Variants in PXYLP1 observed in about 807,000 individuals in gnomAD.
The protein encoded by PXYLP1 is acid phosphatase-like 2.
In PXYLP1, 17 loss-of-function variants were observed where a neutral mutation model predicts 37.9. The ratio of observed to expected loss-of-function variants is 0.45; its 90% confidence interval spans 0.31 to 0.67. The LOEUF is 0.67. PXYLP1 is among the 30% of genes least tolerant of loss of function. PXYLP1 has a pLI of 0.07. For missense variants in PXYLP1, 511 were observed against 612.0 expected, an observed-to-expected ratio of 0.84 and a Z score of 1.74; for synonymous variants, 221 against 232.2, an observed-to-expected ratio of 0.95 and a Z score of 0.44.
At chr3:141,234,397 G>C (rs2292401) in intron 1 of PXYLP1, 34,125 of 151,966 alleles carry the variant, frequency 0.22, 4,955 homozygotes, top group African/African-American at 0.41. Flanking sequence ...AACCTATAGT[G>C]CCCAGAGCTG....
intron 1 of PXYLP1, among the ~76,000 whole-genome samples, chr3:141,256,745 A>G (rs1258808806): frequency 2.6e-5 from 4 of 152,206 alleles, no homozygotes; most frequent in Admixed American, 6.5e-5. Flanking sequence ...TCCTCTGGCC[A>G]GGCTGTGTAC....
At chr3:141,273,166 G>A (rs887010287) in intron 2 of PXYLP1, 64 of 985,222 alleles carry the variant, frequency 6.5e-5, no homozygotes, top group Non-Finnish European at 7.5e-5. Flanking sequence ...CCCGCAACTG[G>A]ATTGTAAACC....
rs540517144 is a variant in PXYLP1 at position 141,249,314 on chromosome 3, A to G, written c.-53-10809A>G. Among the ~76,000 whole-genome samples, 72 of 152,328 alleles carry G rather than the reference A, an allele frequency of 4.7e-4. 2 individuals carry two copies. In the South Asian group the frequency reaches 0.015, roughly 32 times the overall value. On this transcript the variant is annotated intron_variant, in intron 1 of 5. Coordinates refer to ENST00000286353, the MANE Select transcript of PXYLP1 (RefSeq NM_001037172.3). ...GGCCTCATTGGGCAAAACGCCTCTCAGTGGCATGCGTGAGTGCTCCTGTCC... is the reference window on the plus strand; with the variant it reads ...GGCCTCATTGGGCAAAACGCCTCTCGGTGGCATGCGTGAGTGCTCCTGTCC...
At position 141,292,479 on chromosome 3, in the gene PXYLP1, G is replaced by A; in HGVS notation, c.717G>A (p.Leu239=). 2 of 1,614,222 alleles carry A rather than the reference G, an allele frequency of 1.2e-6. No individual in the cohort carries two copies. The highest frequency in any genetic ancestry group is 1.7e-6 in the Non-Finnish European group (2 of 1,180,048). The change falls in exon 6 of 6, where the codon CTG becomes CTA. Residue 239 remains leucine, a synonymous_variant. Coordinates refer to ENST00000286353, the MANE Select transcript of PXYLP1 (RefSeq NM_001037172.3). This position sits in a 1 kb window ranked among gnomAD's most constrained non-coding sequence, Gnocchi z 4.3. ...ATTTCAGGCACCAGCCAAGTGCGCT[G>A]TTCTGCTCTGGAAGCTGCTATTGCC... ...KIYFRHQPSA[L]FCSGSCYCPV... is the part of the protein sequence containing the mutation.
At chr3:141,259,469 A>T (rs527639280) in intron 1 of PXYLP1, among the ~76,000 whole-genome samples, 29 of 151,852 alleles carry the variant, frequency 1.9e-4, no homozygotes, top group African/African-American at 6.8e-4. Flanking sequence ...CACACTTCCA[A>T]TGTGGTTAGG....
At chr3:141,290,882 C>A (rs1239022159) in intron 5 of PXYLP1, among the ~76,000 whole-genome samples, 6 of 152,184 alleles carry the variant, frequency 3.9e-5, no homozygotes, top group Non-Finnish European at 8.8e-5. Context: ...AGTAAGCACT[C>A]TAACTTTATG....
In PXYLP1 at chr3:141,242,972, A is replaced by C. The variant is rs144653910; in HGVS notation, c.-54+11061A>C. Among the ~76,000 whole-genome samples, 593 of 152,336 alleles carry C rather than the reference A, an allele frequency of 3.9e-3. 3 individuals are homozygous for C. Among genetic ancestry groups the C allele is most frequent in the Middle Eastern group, 6.8e-3 (2 of 294 alleles). On this transcript the variant is annotated intron_variant, in intron 1 of 5. Transcript: ENST00000286353. ...AAATATCTGAATGAATGAATGAATG[A>C]ATTACTACTTGCAGGTGAGGACACT... is the stretch of plus-strand genomic sequence containing the variant.
Position 141,293,410 on chromosome 3 carries a change from G to A in PXYLP1, c.*205G>A, listed in dbSNP as rs1452947383. 2 of 587,602 alleles carry A rather than the reference G, an allele frequency of 3.4e-6. No individual in the cohort carries two copies. Among genetic ancestry groups the A allele is most frequent in the Admixed American group, 6.6e-5 (2 of 30,444 alleles). The allele number at this position is 587,602 out of a possible 1,614,324, so 36.4% of individuals were successfully genotyped here. A position where few individuals can be genotyped will look rare whatever the true frequency, so the allele number is the denominator to read the frequency against. ...TGAATTGCTTGGTACAAAATGGCCA[G>A]TTCACAGAGGAATAGAAGGTACTTT... is the stretch of plus-strand genomic sequence containing the variant. On this transcript the variant is annotated 3_prime_UTR_variant, in exon 6 of 6. Transcript: ENST00000286353.
At chr3:141,248,561 G>A (rs1326051989) in intron 1 of PXYLP1, among the ~76,000 whole-genome samples, 1 of 134,056 alleles carries the variant, frequency 7.5e-6, no homozygotes, top group Non-Finnish European at 1.6e-5. Context: ...ATACACACGT[G>A]TATATATATA....
At chr3:141,291,427 C>A (rs1413054297) in intron 5 of PXYLP1, among the ~76,000 whole-genome samples, 1 of 152,166 alleles carries the variant, frequency 6.6e-6, no homozygotes, top group Non-Finnish European at 1.5e-5. Flanking sequence ...ACTTTAAATT[C>A]TTGCTTCTAC....
chr3:141,277,759 G>C (rs72982597), intron 2 of PXYLP1, among the ~76,000 whole-genome samples: 19,503 of 152,184 alleles, frequency 0.13, 1,584 homozygotes, highest in African/African-American at 0.23. Context: ...CACATGCCAC[G>C]CCGAAGACAG....
At chr3:141,278,047 A>G (rs1310690960) in intron 2 of PXYLP1, among the ~76,000 whole-genome samples, 1 of 152,186 alleles carries the variant, frequency 6.6e-6, no homozygotes, top group Non-Finnish European at 1.5e-5. Flanking sequence ...GGTCCTAAGA[A>G]GTTAGTGTGT....
chr3:141,289,954 G>A (rs979192394), intron 5 of PXYLP1, among the ~76,000 whole-genome samples: 10 of 152,230 alleles, frequency 6.6e-5, no homozygotes, highest in African/African-American at 2.2e-4. Flanking sequence ...CATCATCATC[G>A]TTTCTAAATT....
At chr3:141,251,125 G>A (rs1428056924) in intron 1 of PXYLP1, among the ~76,000 whole-genome samples, 1 of 152,176 alleles carries the variant, frequency 6.6e-6, no homozygotes, top group Non-Finnish European at 1.5e-5. Flanking sequence ...GTTCTAGATC[G>A]GAAATTGGTT....
intron 1 of PXYLP1, among the ~76,000 whole-genome samples, chr3:141,257,867 G>A (rs1203697407): frequency 2.3e-5 from 3 of 131,436 alleles, no homozygotes; most frequent in African/African-American, 8.5e-5. Context: ...TTGCACCACT[G>A]CACTCCAGCC....
intron 5 of PXYLP1, among the ~76,000 whole-genome samples, chr3:141,288,714 T>A (rs1320014058): frequency 2.0e-5 from 3 of 152,156 alleles, no homozygotes; most frequent in African/African-American, 7.2e-5. Flanking sequence ...AGCAACATAG[T>A]GGAACCCCAT....
At chr3:141,284,565 C>T (rs994570895) in intron 4 of PXYLP1, among the ~76,000 whole-genome samples, 3 of 152,148 alleles carry the variant, frequency 2.0e-5, no homozygotes, top group African/African-American at 4.8e-5. Flanking sequence ...CAGGATCCTC[C>T]TTGGATACCA....
At chr3:141,255,612 G>A (rs930490765) in intron 1 of PXYLP1, among the ~76,000 whole-genome samples, 1 of 152,216 alleles carries the variant, frequency 6.6e-6, no homozygotes, top group Non-Finnish European at 1.5e-5. Flanking sequence ...TCAGAATCCT[G>A]GCTGTCGCCT....
Position 141,247,725 on chromosome 3 carries a change from C to G in PXYLP1, c.-53-12398C>G, listed in dbSNP as rs376426390. ...TACAAAAACAAACCTCTAAATAATA[C>G]AGTATAGCTTTTTGCCCTATTTGAA... is the stretch of plus-strand genomic sequence containing the variant. On this transcript the variant is annotated intron_variant, in intron 1 of 5. Coordinates refer to ENST00000286353, the MANE Select transcript of PXYLP1 (RefSeq NM_001037172.3). Among the ~76,000 whole-genome samples the G allele has an allele frequency of 6.8e-4, 104 of 152,300 alleles. 1 individual carries two copies. The South Asian group carries it at 0.021, about 31-fold the overall frequency.
Sources: allele counts gnomAD v4.1 joint callset (sites outside exome capture counted in the v4.1 genomes callset), GRCh38; gene constraint gnomAD v4.1.1; non-coding constraint Gnocchi (gnomAD v3.1); transcripts MANE v1.5; gene names NCBI Gene and HGNC (gene_info 2026-07-23, HGNC 2026-07-21).